Variants in UGGT2 observed in about 807,000 individuals in gnomAD.
UGGT2 encodes the protein UDP-glucose:glycoprotein glucosyltransferase 2.
A neutral mutation model predicts 192.1 loss-of-function variants in UGGT2; 180 were observed. The ratio of observed to expected loss-of-function variants is 0.94; its 90% CI spans 0.83 to 1.06. UGGT2 has a LOEUF of 1.06. Ranked by LOEUF, UGGT2 falls within the 50% of genes least tolerant of loss-of-function variation. UGGT2 has a pLI of 0.00. For missense variants in UGGT2, 1,849 were observed against 1,795.7 expected, an observed-to-expected ratio of 1.03 and a Z score of -0.54; for synonymous variants, 580 against 591.0, an observed-to-expected ratio of 0.98 and a Z score of 0.27.
At chr13:95,863,853 C>T (rs1890390404) in intron 30 of UGGT2, 139 bp from the exon 31 acceptor site, 1 of 678,052 alleles carries the variant, frequency 1.5e-6, no homozygotes, top group Non-Finnish European at 2.6e-6. Flanking sequence ...CAGGCAATAT[C>T]TTAGCACAAT....
intron 38 of UGGT2, among the ~76,000 whole-genome samples, chr13:95,807,367 G>C (rs2139732107): frequency 6.6e-6 from 1 of 152,138 alleles, no homozygotes; most frequent in African/African-American, 2.4e-5. Context: ...AGCAGAGGCA[G>C]GCACACTCAG....
At chr13:95,981,100 A>G (rs1448668444) in intron 10 of UGGT2, among the ~76,000 whole-genome samples, 1 of 152,198 alleles carries the variant, frequency 6.6e-6, no homozygotes, top group Non-Finnish European at 1.5e-5. Flanking sequence ...CTCGAAGGTC[A>G]TATCCTCTTT....
At chr13:95,898,877 T>C (rs1479937730) in intron 22 of UGGT2, among the ~76,000 whole-genome samples, 2 of 152,156 alleles carry the variant, frequency 1.3e-5, no homozygotes, top group African/African-American at 4.8e-5. Context: ...TTTCTGTTCT[T>C]TAATAGATTT....
At chr13:95,888,403 T>C (rs2047706946) in intron 25 of UGGT2, among the ~76,000 whole-genome samples, 1 of 152,216 alleles carries the variant, frequency 6.6e-6, no homozygotes, top group Non-Finnish European at 1.5e-5. Context: ...AAATACTTTC[T>C]TTTCATTTCC....
chr13:95,857,684 T>C (rs1158458894), intron 33 of UGGT2, among the ~76,000 whole-genome samples: 1 of 152,190 alleles, frequency 6.6e-6, no homozygotes, highest in African/African-American at 2.4e-5. Flanking sequence ...TCTGAGTATA[T>C]GTTATATTTC....
intron 27 of UGGT2, among the ~76,000 whole-genome samples, chr13:95,878,709 A>G (rs141269890): frequency 2.6e-5 from 4 of 152,296 alleles, no homozygotes; most frequent in Admixed American, 6.5e-5. Flanking sequence ...TTATTTCACC[A>G]TATTAGGTTT....
chr13:96,027,443 A>G (rs1464356318), intron 2 of UGGT2, among the ~76,000 whole-genome samples: 4 of 152,224 alleles, frequency 2.6e-5, no homozygotes, highest in African/African-American at 7.2e-5. Context: ...AACTAAATCC[A>G]TGCTCACCAA....
Position 95,961,379 on chromosome 13 carries a change from T to C in UGGT2, c.1335+8733A>G, listed in dbSNP as rs373678027. Among the ~76,000 whole-genome samples the C allele has an allele frequency of 1.5e-4, 23 of 152,162 alleles. 1 individual carries two copies. The highest frequency in any genetic ancestry group is 9.2e-4 in the Admixed American group (14 of 15,288). On this transcript the variant is annotated intron_variant, in intron 12 of 38. Coordinates refer to ENST00000376747, the MANE Select transcript of UGGT2 (RefSeq NM_020121.4). The stretch of plus-strand genomic sequence containing the variant: ...GAAACTCATCTCACTTGTAAAGAGA[T>C]ATATAAACTGGAAGTAAAGGAATGG...
intron 38 of UGGT2, among the ~76,000 whole-genome samples, chr13:95,821,111 G>A (rs1180161559): frequency 2.0e-5 from 3 of 152,138 alleles, no homozygotes; most frequent in East Asian, 1.9e-4. Context: ...ACCTAGCAGC[G>A]GGATTTCTGT....
chr13:95,820,704 C>G (rs1399317114), intron 38 of UGGT2, among the ~76,000 whole-genome samples: 2 of 151,850 alleles, frequency 1.3e-5, no homozygotes, highest in Non-Finnish European at 2.9e-5. Context: ...TACCCGTCAC[C>G]TGAGTAGTGT....
intron 4 of UGGT2, among the ~76,000 whole-genome samples, chr13:96,016,015 G>T (rs1260561677): frequency 6.6e-6 from 1 of 152,178 alleles, no homozygotes; most frequent in Admixed American, 6.5e-5. Context: ...TTGTGCTTAT[G>T]CCCTAGGGAT....
intron 26 of UGGT2, 102 bp downstream of exon 26, chr13:95,887,790 C>T (rs1274968814): frequency 5.8e-6 from 4 of 690,508 alleles, no homozygotes; most frequent in East Asian, 5.5e-5. Flanking sequence ...TTTGAAGCAT[C>T]TTGTGAAGAA....
rs1053951202 is a variant in UGGT2, at chr13:95,839,677, T to C, written c.4285-2475A>G. ...CTAGGAGTGGAACTGCTGGGTCATA[T>C]GTTAACTCTGTTAAACATTTTCATG... On this transcript the variant is annotated intron_variant, in intron 36 of 38. Coordinates refer to ENST00000376747, the MANE Select transcript of UGGT2 (RefSeq NM_020121.4). Among the ~76,000 whole-genome samples the C allele has an allele frequency of 6.6e-5, 10 of 152,208 alleles. 1 individual carries two copies. Among genetic ancestry groups the C allele is most frequent in the Admixed American group, 6.5e-5 (1 of 15,274 alleles).
intron 29 of UGGT2, among the ~76,000 whole-genome samples, chr13:95,873,498 A>T (rs1011887264): frequency 6.6e-6 from 1 of 152,142 alleles, no homozygotes; most frequent in African/African-American, 2.4e-5. Context: ...CTTCCTGCCT[A>T]GCAAACTGGG....
chr13:95,909,174 A>T, intron 20 of UGGT2, among the ~76,000 whole-genome samples: 1 of 152,120 alleles, frequency 6.6e-6, no homozygotes, highest in Non-Finnish European at 1.5e-5. Flanking sequence ...ATGGCTAGCC[A>T]GTTTTCCCAG....
intron 21 of UGGT2, among the ~76,000 whole-genome samples, chr13:95,901,556 C>A (rs764494652): frequency 3.9e-5 from 6 of 152,042 alleles, no homozygotes; most frequent in Non-Finnish European, 5.9e-5. Context: ...TATTAAAATG[C>A]AGAATATACT....
Position 96,031,930 on chromosome 13 carries a change from A to C in UGGT2, c.200T>G (p.Phe67Cys). Residue 67 changes from phenylalanine to cysteine, a missense_variant, in exon 2 of 39, where the codon TTT becomes TGT. Physicochemically the swap from Phe to Cys is radical, Grantham distance 205 (BLOSUM62 -2). Coordinates refer to ENST00000376747, the MANE Select transcript of UGGT2 (RefSeq NM_020121.4). Reference protein sequence around the residue: ...AEESNEKFWQFLETVQELAIY... With the variant: ...AEESNEKFWQCLETVQELAIY... ...TGCTAATTCTTGCACAGTTTCCAAA[A>C]ACTGCCAAAATTTTTCATTACTTTC... 1 of 1,611,718 alleles carries C rather than the reference A, an allele frequency of 6.2e-7. No individual in the cohort carries two copies. Among genetic ancestry groups the C allele is most frequent in the Non-Finnish European group, 8.5e-7 (1 of 1,179,060 alleles).
chr13:95,808,606 T>C (rs548237636), intron 38 of UGGT2, among the ~76,000 whole-genome samples: 3 of 152,324 alleles, frequency 2.0e-5, no homozygotes, highest in African/African-American at 7.2e-5. Flanking sequence ...AAAAGCCATG[T>C]ATTGCAAATT....
chr13:95,914,761 T>C (rs7337653), intron 20 of UGGT2, among the ~76,000 whole-genome samples: 58,667 of 150,936 alleles, frequency 0.39, 11,519 homozygotes, highest in Middle Eastern at 0.42. Flanking sequence ...CGAGACTGCA[T>C]CACCGCACTC....
Sources: allele counts gnomAD v4.1 joint callset (sites outside exome capture counted in the v4.1 genomes callset), GRCh38; gene constraint gnomAD v4.1.1; transcripts MANE v1.5; gene names NCBI Gene and HGNC (gene_info 2026-07-23, HGNC 2026-07-21).